The following OPRM1 variants were observed in gnomAD, a reference collection of about 807,000 sequenced individuals.
The protein encoded by OPRM1 is mu-type opioid receptor.
A neutral mutation model predicts 31.8 loss-of-function variants in OPRM1; 27 were observed. The observed-to-expected ratio is 0.85, with a 90% CI of 0.63 to 1.17. The LOEUF is 1.17. OPRM1 is among the 50% of genes most tolerant of loss of function. The pLI is 0.00. For synonymous variants in OPRM1, 196 were observed against 189.9 expected, an observed-to-expected ratio of 1.03 and a Z score of -0.26; for missense variants, 536 against 511.1, an observed-to-expected ratio of 1.05 and a Z score of -0.47.
intron 3 of OPRM1, among the ~76,000 whole-genome samples, chr6:154,164,515 GCTTTT>G (rs1799271637): frequency 6.6e-6 from 1 of 152,224 alleles, no homozygotes; most frequent in Non-Finnish European, 1.5e-5. Flanking sequence ...GGCGCATGAG[GCTTTT>G]GGAGGGCTTT....
intron 1 of OPRM1, among the ~76,000 whole-genome samples, chr6:154,033,426 A>G (rs1233262993): frequency 3.3e-5 from 5 of 152,202 alleles, no homozygotes; most frequent in African/African-American, 9.7e-5. Flanking sequence ...AGAGTCTTTT[A>G]TACAAAGGCA....
At chr6:154,141,686 C>T (rs1798216152) in intron 3 of OPRM1, among the ~76,000 whole-genome samples, 2 of 152,192 alleles carry the variant, frequency 1.3e-5, no homozygotes, top group Admixed American at 1.3e-4. Flanking sequence ...GGCAGGACAA[C>T]GCGAAGCGGG....
chr6:154,020,979 T>C (rs1778333627), intron 1 of OPRM1, among the ~76,000 whole-genome samples: 1 of 152,238 alleles, frequency 6.6e-6, no homozygotes, highest in Admixed American at 6.5e-5. Flanking sequence ...GTACAGCTTA[T>C]CAATTATTTC....
intron 1 of OPRM1, among the ~76,000 whole-genome samples, chr6:154,070,860 A>T (rs1276320166): frequency 6.6e-6 from 1 of 152,356 alleles, no homozygotes; most frequent in African/African-American, 2.4e-5. Flanking sequence ...AATGGAGCCA[A>T]CTTTGCTCTT....
chr6:154,187,237 C>T (rs1424471857), intron 3 of OPRM1, among the ~76,000 whole-genome samples: 1 of 152,062 alleles, frequency 6.6e-6, no homozygotes, highest in Non-Finnish European at 1.5e-5. Context: ...TCACACACCC[C>T]ACCCCATACC....
chr6:154,043,224 T>C (rs1158285400), intron 1 of OPRM1, among the ~76,000 whole-genome samples: 1 of 152,208 alleles, frequency 6.6e-6, no homozygotes, highest in African/African-American at 2.4e-5. Context: ...GTACCTTCAT[T>C]TTTAAGATTA....
At chr6:154,045,462 T>A (rs1350929332) in intron 1 of OPRM1, among the ~76,000 whole-genome samples, 1 of 152,192 alleles carries the variant, frequency 6.6e-6, no homozygotes, top group Non-Finnish European at 1.5e-5. Context: ...TGTCCAGATG[T>A]AACCACATGT....
intron 3 of OPRM1, among the ~76,000 whole-genome samples, chr6:154,241,224 G>C (rs1011006658): frequency 6.2e-5 from 7 of 113,666 alleles, no homozygotes; most frequent in Non-Finnish European, 1.0e-4. Flanking sequence ...AACAAAGTGA[G>C]ACTCCATCTC....
At chr6:154,089,501 C>A (rs1791491851) in intron 1 of OPRM1, among the ~76,000 whole-genome samples, 1 of 150,000 alleles carries the variant, frequency 6.7e-6, no homozygotes, top group Admixed American at 6.7e-5. Flanking sequence ...GCAAGAGGAT[C>A]TCTTGAGTCC....
chr6:154,119,479 T>A lies in OPRM1; in HGVS notation c.*758T>A. 2.0e-6 allele frequency: 2 copies of A among 982,364 alleles called. No individual in the cohort carries two copies. The highest frequency in any genetic ancestry group is 2.4e-6 in the Non-Finnish European group (2 of 827,168). 60.9% of individuals were successfully genotyped at this position (982,364 alleles called of 1,614,324 possible). ...GTTCCTCAGTTTTAAATGTGCAATTTTCTTGCTCCTATTTAAGTGTTCACA... is the reference window on the plus strand; with the variant it reads ...GTTCCTCAGTTTTAAATGTGCAATTATCTTGCTCCTATTTAAGTGTTCACA... On this transcript the variant is annotated 3_prime_UTR_variant, in exon 4 of 4. Transcript: ENST00000330432.
At chr6:154,043,557 A>AT (rs1332486505) in intron 1 of OPRM1, among the ~76,000 whole-genome samples, 1 of 151,564 alleles carries the variant, frequency 6.6e-6, no homozygotes, top group African/African-American at 2.4e-5. Context: ...ATATATATAA[A>AT]TTCACACACA....
In OPRM1 at chr6:154,128,897, T is replaced by G. The variant is rs1483189818; in HGVS notation, c.*10176T>G. On this transcript the variant is annotated 3_prime_UTR_variant, in exon 4 of 4. Coordinates refer to ENST00000330432, the MANE Select transcript of OPRM1 (RefSeq NM_000914.5). ...ATCTTTGTAAAAAACAGGAAATTAA[T>G]GTTAAATTGGATCTATAAACATAAG... is the stretch of plus-strand genomic sequence containing the variant. Among the ~76,000 whole-genome samples the G allele has an allele frequency of 1.3e-5, 2 of 152,226 alleles. No homozygotes were observed. Among genetic ancestry groups the G allele is most frequent in the African/African-American group, 2.4e-5 (1 of 41,458 alleles).
chr6:154,122,960 C>T lies in OPRM1; in HGVS notation c.*4239C>T, dbSNP rs1297503484. On this transcript the variant is annotated 3_prime_UTR_variant, in exon 4 of 4. Coordinates refer to ENST00000330432, the MANE Select transcript of OPRM1 (RefSeq NM_000914.5). ...CATTGTCTAAGGTGTTATCCGAGCT[C>T]GTTGTCTCACAACCAAGAAAATTAA... 1.3e-5 allele frequency among the ~76,000 whole-genome samples: 2 copies of T among 152,198 alleles called. No individual in the cohort carries two copies. The highest frequency in any genetic ancestry group is 2.1e-4 in the South Asian group (1 of 4,828).
chr6:154,181,966 T>G (rs1005202934), intron 3 of OPRM1, among the ~76,000 whole-genome samples: 5 of 152,178 alleles, frequency 3.3e-5, no homozygotes, highest in African/African-American at 1.2e-4. Context: ...AACACTCTAG[T>G]TGGGAAAGGT....
intron 1 of OPRM1, among the ~76,000 whole-genome samples, chr6:154,066,338 T>C (rs952687345): frequency 2.0e-5 from 3 of 152,110 alleles, no homozygotes; most frequent in African/African-American, 7.2e-5. Flanking sequence ...TTTTGAGAAG[T>C]ATTGGTATTT....
Position 154,048,203 on chromosome 6 carries a change from A to G in OPRM1, c.290+8369A>G, listed in dbSNP as rs78746609. 6.8e-4 allele frequency among the ~76,000 whole-genome samples: 103 copies of G among 152,316 alleles called. 2 individuals are homozygous for G. The East Asian group carries it at 0.019, about 28-fold the overall frequency. ...AAAACCATTAGTGTGATTTAAATTA[A>G]CGTTTACGTAAATTAGGCCAACCTG... On this transcript the variant is annotated intron_variant, in intron 1 of 3. Transcript: ENST00000330432.
downstream of OPRM1, among the ~76,000 whole-genome samples, chr6:154,135,480 T>TATAG (rs1304785846): frequency 5.5e-5 from 8 of 144,540 alleles, no homozygotes; most frequent in Admixed American, 3.6e-4. Context: ...AAAAAAAATA[T>TATAG]ATAGATAGAT....
At chr6:154,170,985 C>T (rs62434769) in intron 3 of OPRM1, among the ~76,000 whole-genome samples, 36 of 152,194 alleles carry the variant, frequency 2.4e-4, no homozygotes, top group Admixed American at 6.5e-4. Flanking sequence ...ATTCTCCTGC[C>T]TCAGCCTCTC....
At chr6:154,068,936 T>A (rs1370034081) in intron 1 of OPRM1, among the ~76,000 whole-genome samples, 1 of 152,222 alleles carries the variant, frequency 6.6e-6, no homozygotes, top group Non-Finnish European at 1.5e-5. Flanking sequence ...TAGTTTTGAC[T>A]CGCATTTCCC....
Sources: gnomAD v4.1 joint callset for allele counts (sites outside exome capture counted in the v4.1 genomes callset) on GRCh38, gnomAD v4.1.1 for gene constraint, MANE v1.5 for transcripts, NCBI Gene and HGNC (gene_info 2026-07-23, HGNC 2026-07-21) for gene names.